Variants in KCNA3 observed in about 807,000 individuals in gnomAD.
KCNA3 encodes RP11-284N8.3.
KCNA3 carries 18 observed loss-of-function variants against 34.3 expected under a neutral mutation model. That is an observed-to-expected ratio of 0.52 (90% CI 0.36 to 0.78). The LOEUF is 0.78. Ranked by LOEUF, KCNA3 falls within the 30% of genes least tolerant of loss-of-function variation. The pLI is 0.00. For missense variants in KCNA3, 587 were observed against 802.5 expected, an observed-to-expected ratio of 0.73 and a Z score of 3.24; for synonymous variants, 324 against 351.7, an observed-to-expected ratio of 0.92 and a Z score of 0.88.
At chr1:110,656,295 G>A in the KCNA3 span, 1 of 151,690 alleles carries the variant, frequency 6.6e-6, no homozygotes, top group Admixed American at 6.6e-5. Flanking sequence ...TTAAAGCCAA[G>A]GTCAAAATAA....
the KCNA3 span, among the ~76,000 whole-genome samples, chr1:110,667,056 G>C: frequency 1.3e-5 from 2 of 152,148 alleles, no homozygotes; most frequent in South Asian, 4.1e-4. Flanking sequence ...AGTAATCTAT[G>C]AACAGGTGAG....
Position 110,674,425 on chromosome 1 carries a change from G to C in KCNA3, c.385C>G (p.Leu129Val), listed in dbSNP as rs368781334. 2.7e-5 allele frequency: 43 copies of C among 1,614,020 alleles called. No homozygotes were observed. The highest frequency in any genetic ancestry group is 3.6e-5 in the Non-Finnish European group (43 of 1,180,012). Residue 129 changes from leucine to valine, a missense_variant, in exon 1 of 1, where the codon CTG becomes GTG. Physicochemically the swap from Leu to Val is conservative, Grantham distance 32 (BLOSUM62 1). This residue lies in a region of KCNA3 where 341 missense variants were observed against 355.4 expected (regional missense o/e 0.96). Transcript: ENST00000369769. The surrounding 1 kb of genome is among the most constrained non-coding windows in gnomAD (Gnocchi z 6.4). ...LKTLCQFPET[L>V]LGDPKRRMRY... ...ATGCGCCGCTTGGGGTCGCCCAGCA[G>C]CGTCTCGGGGAACTGGCAAAGGGTC...
At chr1:110,671,738 G>A (rs1651898000), downstream of KCNA3, among the ~76,000 whole-genome samples, 2 of 152,010 alleles carry the variant, frequency 1.3e-5, no homozygotes, top group African/African-American at 2.4e-5. Context: ...CACACTGATC[G>A]AATCTCTCAT....
the KCNA3 span, among the ~76,000 whole-genome samples, chr1:110,665,287 C>T: frequency 7.2e-5 from 11 of 152,292 alleles, 1 homozygote; most frequent in Middle Eastern, 6.8e-3. Flanking sequence ...GTGAAGATAA[C>T]GATGGTTTAG....
chr1:110,657,957 A>G, the KCNA3 span, among the ~76,000 whole-genome samples: 3 of 152,244 alleles, frequency 2.0e-5, no homozygotes, highest in Admixed American at 1.3e-4. Flanking sequence ...AACATAGAAC[A>G]AAGACAAGGC....
chr1:110,673,200 A>T lies in KCNA3; in HGVS notation c.1610T>A (p.Met537Lys), dbSNP rs751072580. 8.7e-6 allele frequency: 14 copies of T among 1,614,126 alleles called. No homozygotes were observed. The highest frequency in any genetic ancestry group is 6.6e-5 in the South Asian group (6 of 91,074). ...GGTCTGGGGGAAAGCGCTATGGTTC[A>T]TACCCCCCTCTTCGATCACCATATA... is the stretch of plus-strand genomic sequence containing the variant. ...SEYMVIEEGG[M>K]NHSAFPQTPF... is the part of the protein sequence containing the mutation. The change falls in exon 1 of 1, where the codon ATG (methionine) becomes AAG (lysine). Residue 537 changes from methionine (M) to lysine (K), a missense_variant. Coordinates refer to ENST00000369769, the MANE Select transcript of KCNA3 (RefSeq NM_002232.5). The surrounding 1 kb of genome is among the most constrained non-coding windows in gnomAD (Gnocchi z 8.8).
the KCNA3 span, among the ~76,000 whole-genome samples, chr1:110,662,956 T>TA: frequency 6.6e-6 from 1 of 152,206 alleles, no homozygotes; most frequent in Non-Finnish European, 1.5e-5. Flanking sequence ...ACTTTTTGGT[T>TA]ACCCAGTTAA....
At chr1:110,668,206 A>AT (rs1259416479), downstream of KCNA3, among the ~76,000 whole-genome samples, 1 of 152,082 alleles carries the variant, frequency 6.6e-6, no homozygotes, top group Non-Finnish European at 1.5e-5. Context: ...CCTCTTCCAC[A>AT]TTCTTATGCT....
At chr1:110,655,529 G>A in the KCNA3 span, 1 of 151,876 alleles carries the variant, frequency 6.6e-6, no homozygotes, top group African/African-American at 2.4e-5. Flanking sequence ...AAAAATGGAC[G>A]AAATCACTTC....
At chr1:110,660,221 GA>G in the KCNA3 span, among the ~76,000 whole-genome samples, 14 of 152,180 alleles carry the variant, frequency 9.2e-5, no homozygotes, top group African/African-American at 3.4e-4. Flanking sequence ...TTGTAAGTTA[GA>G]AAACGTTTTG....
Position 110,674,144 on chromosome 1 carries a change from C to A in KCNA3, c.666G>T (p.Leu222=), listed in dbSNP as rs150782822. 973 of 1,613,016 alleles carry A rather than the reference C, an allele frequency of 6.0e-4. 2 individuals carry two copies. In the African/African-American group the frequency reaches 0.012, roughly 19 times the overall value. ...CGGAGCTCTCGGGGTACTCGAAGAG[C>A]AGCCACACCTGGCGCTGGAAGTCGC... is the stretch of plus-strand genomic sequence containing the variant. The part of the protein sequence containing the change: ...PRRDFQRQVW[L]LFEYPESSGP... Residue 222 remains leucine (L), a synonymous_variant, in exon 1 of 1, where the codon CTG becomes CTT. Transcript: ENST00000369769. This position sits in a 1 kb window ranked among gnomAD's most constrained non-coding sequence, Gnocchi z 6.4.
chr1:110,655,275 AT>A, the KCNA3 span: 1 of 152,068 alleles, frequency 6.6e-6, no homozygotes, highest in African/African-American at 2.4e-5. Flanking sequence ...GAATATTCTT[AT>A]TTGGCTTATA....
downstream of KCNA3, among the ~76,000 whole-genome samples, chr1:110,672,058 T>C (rs1204712377): frequency 6.6e-6 from 1 of 152,240 alleles, no homozygotes. Context: ...ACAGTGGTTT[T>C]CCTTATGAAA....
chr1:110,657,879 G>A, the KCNA3 span, among the ~76,000 whole-genome samples: 1 of 152,160 alleles, frequency 6.6e-6, no homozygotes, highest in Admixed American at 6.5e-5. Flanking sequence ...GTGATAATTA[G>A]TTATAAGGAT....
At chr1:110,656,477 A>G in the KCNA3 span, 12 of 152,036 alleles carry the variant, frequency 7.9e-5, no homozygotes, top group Admixed American at 6.5e-4. Flanking sequence ...ATGTGAAAAC[A>G]TTATAGAATT....
chr1:110,674,173 G>A lies in KCNA3; in HGVS notation c.637C>T (p.Arg213Cys). Residue 213 changes from arginine (R) to cysteine (C), a missense_variant, in exon 1 of 1, where the codon CGC (arginine) becomes TGC (cysteine). By Grantham distance (180) the Arg-to-Cys change is radical (BLOSUM62 -3). Coordinates refer to ENST00000369769, the MANE Select transcript of KCNA3 (RefSeq NM_002232.5). The surrounding 1 kb of genome is among the most constrained non-coding windows in gnomAD (Gnocchi z 6.4). ...CACACCTGGCGCTGGAAGTCGCGGC[G>A]GGGCAAGGGCCGCTCCTCCTCCCGC... is the stretch of plus-strand genomic sequence containing the variant. ...FLREEERPLPRRDFQRQVWLL... is the reference protein window; with the variant it reads ...FLREEERPLPCRDFQRQVWLL... The A allele has an allele frequency of 1.9e-6, 3 of 1,612,268 alleles. No individual in the cohort carries two copies. Among genetic ancestry groups the A allele is most frequent in the Non-Finnish European group, 2.5e-6 (3 of 1,178,954 alleles).
chr1:110,666,105 T>G, the KCNA3 span, among the ~76,000 whole-genome samples: 5 of 152,338 alleles, frequency 3.3e-5, no homozygotes, highest in African/African-American at 4.8e-5. Flanking sequence ...TAATGCATTC[T>G]AAGACCTACA....
chr1:110,668,213 T>C (rs1206735945), downstream of KCNA3, among the ~76,000 whole-genome samples: 1 of 152,154 alleles, frequency 6.6e-6, no homozygotes, highest in African/African-American at 2.4e-5. Context: ...CACATTCTTA[T>C]GCTCCTCACC....
At chr1:110,656,094 T>G in the KCNA3 span, 1 of 152,154 alleles carries the variant, frequency 6.6e-6, no homozygotes, top group African/African-American at 2.4e-5. Flanking sequence ...CAAAAGGACA[T>G]TAACTTTTTA....
Sources: gnomAD v4.1 joint callset for allele counts (sites outside exome capture counted in the v4.1 genomes callset) on GRCh38, gnomAD v4.1.1 for gene constraint, gnomAD v4.1.1 regional missense constraint, Gnocchi (gnomAD v3.1) non-coding constraint, MANE v1.5 for transcripts, NCBI Gene and HGNC (gene_info 2026-07-23, HGNC 2026-07-21) for gene names.